Variants in RASA4B observed in about 807,000 individuals in gnomAD.
RASA4B encodes ras GTPase-activating protein 4B.
In RASA4B, 2 loss-of-function variants were observed where a neutral mutation model predicts 24.2. The ratio of observed to expected loss-of-function variants is 0.08; its 90% confidence interval spans 0.03 to 0.26. The LOEUF (loss-of-function observed/expected upper bound fraction) is 0.26. Ranked by LOEUF, RASA4B falls within the 10% of genes least tolerant of loss-of-function variation. RASA4B has a pLI of 1.00. For synonymous variants in RASA4B, 2 were observed against 125.6 expected, an observed-to-expected ratio of 0.02 and a Z score of 6.58; for missense variants, 8 against 277.2, an observed-to-expected ratio of 0.03 and a Z score of 6.90.
chr7:102,504,616 A>G (rs1212912712), intron 5 of RASA4B, among the ~76,000 whole-genome samples: 1 of 76,726 alleles, frequency 1.3e-5, no homozygotes, highest in African/African-American at 4.9e-5. Context: ...GGGGAGGCAG[A>G]GGTTGCAGTG....
At chr7:102,490,297 T>C (rs1370495655) in intron 17 of RASA4B, among the ~76,000 whole-genome samples, 1 of 90,336 alleles carries the variant, frequency 1.1e-5, no homozygotes. Context: ...CAGCATAATG[T>C]TTGATTATTA....
chr7:102,480,075 C>T lies in RASA4B; in HGVS notation c.*3517G>A, dbSNP rs1476750950. On this transcript the variant is annotated 3_prime_UTR_variant, in exon 21 of 21. Coordinates refer to ENST00000465829, the MANE Select transcript of RASA4B (RefSeq NM_001367767.2). ...CATACAGAGATAGGAGCTGAGGGGA[C>T]AATGAGGAGTGACCAGAAGACAAGA... 1.3e-5 allele frequency among the ~76,000 whole-genome samples: 2 copies of T among 152,026 alleles called. No individual in the cohort carries two copies. The highest frequency in any genetic ancestry group is 2.4e-5 in the African/African-American group (1 of 41,432).
chr7:102,480,017 C>T lies in RASA4B; in HGVS notation c.*3575G>A, dbSNP rs1275468879. 2.6e-5 allele frequency among the ~76,000 whole-genome samples: 4 copies of T among 152,228 alleles called. No individual in the cohort carries two copies. The East Asian group carries it at 7.7e-4, about 29-fold the overall frequency. On this transcript the variant is annotated 3_prime_UTR_variant, in exon 21 of 21. Transcript: ENST00000465829. Reference sequence around the variant, plus strand: ...TTTATTCCAATATTATAATAATCCTCGCTCTACAATCATAACCTAGGAAAC... The same window carrying T: ...TTTATTCCAATATTATAATAATCCTTGCTCTACAATCATAACCTAGGAAAC...
rs1443949083 is a variant in RASA4B at position 102,480,778 on chromosome 7, T to TTTTG, written c.*2810_*2813dup. Among the ~76,000 whole-genome samples the TTTTG allele has an allele frequency of 2.1e-5, 1 of 47,674 alleles. No individual in the cohort carries two copies. Among genetic ancestry groups the TTTTG allele is most frequent in the Non-Finnish European group, 5.6e-5 (1 of 17,828 alleles). 31.3% of individuals were successfully genotyped at this position (47,674 alleles called of 152,430 possible). Reference sequence around the variant, plus strand: ...GCTTACAACACAACTGCAATATCTTTTTTGTTTGTTTGTTTGTTTTTGTAA... The same window carrying TTTTG: ...GCTTACAACACAACTGCAATATCTTTTTTGTTTGTTTGTTTGTTTGTTTTTGTAA... On this transcript the variant is annotated 3_prime_UTR_variant, in exon 21 of 21. Coordinates refer to ENST00000465829, the MANE Select transcript of RASA4B (RefSeq NM_001367767.2).
chr7:102,502,759 C>T (rs1302846398), intron 6 of RASA4B, among the ~76,000 whole-genome samples: 1 of 107,612 alleles, frequency 9.3e-6, no homozygotes, highest in Non-Finnish European at 2.2e-5. Flanking sequence ...GACTTGGCCT[C>T]AAAAAAAAAA....
chr7:102,489,916 T>C (rs2133307780), intron 17 of RASA4B, among the ~76,000 whole-genome samples: 1 of 118,432 alleles, frequency 8.4e-6, no homozygotes, highest in South Asian at 3.4e-4. Flanking sequence ...GCCTCCCAAG[T>C]AGCTGGAATC....
chr7:102,498,790 C>G (rs868506206), intron 8 of RASA4B, among the ~76,000 whole-genome samples: 1,638 of 104,752 alleles, frequency 0.016, 4 homozygotes, highest in Middle Eastern at 0.037. Context: ...CTCAAACTCC[C>G]AAAGTGTTGG....
chr7:102,498,326 A>G (rs1483884051), intron 8 of RASA4B, among the ~76,000 whole-genome samples: 5 of 148,116 alleles, frequency 3.4e-5, no homozygotes, highest in African/African-American at 1.2e-4. Context: ...CAGTGGCGCG[A>G]TCTCGGCTCA....
At chr7:102,500,448 G>A (rs2133332310) in intron 8 of RASA4B, among the ~76,000 whole-genome samples, 1 of 141,078 alleles carries the variant, frequency 7.1e-6, no homozygotes, top group African/African-American at 2.6e-5. Flanking sequence ...CTCCAGCCTG[G>A]GGACAGAGTG....
rs781776970 is a variant in RASA4B at position 102,496,132 on chromosome 7, A to G, written c.1071+8T>C. On this transcript the variant is annotated splice_region_variant and intron_variant, in intron 11 of 20. Transcript: ENST00000465829. ...GCAAGATGAGGACAATATAGCATGCAACCTCACCTTCAGAAAAGACTCCAC... is the reference window on the plus strand; with the variant it reads ...GCAAGATGAGGACAATATAGCATGCGACCTCACCTTCAGAAAAGACTCCAC... 5.6e-6 allele frequency: 9 copies of G among 1,613,742 alleles called. No homozygotes were observed. The African/African-American group carries it at 1.2e-4, about 22-fold the overall frequency.
intron 14 of RASA4B, 57 bp from the exon 15 acceptor site, chr7:102,494,026 A>ACCCCCCCCCCCCCCCCCCC: frequency 5.3e-6 from 1 of 187,368 alleles, no homozygotes; most frequent in Non-Finnish European, 1.1e-5. Flanking sequence ...TAGCCACTGC[A>ACCCCCCCCCCCCCCCCCCC]CCCCCTCCCA....
intron 11 of RASA4B, among the ~76,000 whole-genome samples, chr7:102,495,735 A>C (rs1207572892): frequency 8.9e-4 from 60 of 67,340 alleles, no homozygotes; most frequent in African/African-American, 2.3e-3. Context: ...GGTGCGGGGC[A>C]CGGAGTCTAG....
At chr7:102,491,381 C>A (rs1798939621) in intron 16 of RASA4B, among the ~76,000 whole-genome samples, 1 of 27,782 alleles carries the variant, frequency 3.6e-5, no homozygotes, top group African/African-American at 4.6e-5. Context: ...AGCCAGCATT[C>A]CCTGGGCTAC....
At chr7:102,490,761 A>G (rs1424119325) in intron 17 of RASA4B, among the ~76,000 whole-genome samples, 1 of 151,214 alleles carries the variant, frequency 6.6e-6, no homozygotes, top group East Asian at 2.0e-4. Flanking sequence ...GGCCACTCCC[A>G]TAGCACCCAG....
At chr7:102,509,123 A>AAAAT (rs1347067661) in intron 4 of RASA4B, among the ~76,000 whole-genome samples, 1 of 118,388 alleles carries the variant, frequency 8.4e-6, no homozygotes, top group African/African-American at 3.0e-5. Context: ...TTAAAAAAAA[A>AAAAT]CTATATAAAA....
At position 102,498,563 on chromosome 7, in the gene RASA4B, T is replaced by C. The variant is rs559395795; in HGVS notation, c.738-1599A>G. On this transcript the variant is annotated intron_variant, in intron 8 of 20. Coordinates refer to ENST00000465829, the MANE Select transcript of RASA4B (RefSeq NM_001367767.2). ...CATGAGCCACCGCACCCGGCTGTTT[T>C]CTTGAGACGGAGTTTCGCTCTTGTC... Among the ~76,000 whole-genome samples, 34 of 143,570 alleles carry C rather than the reference T, an allele frequency of 2.4e-4. 1 individual carries two copies. Among genetic ancestry groups the C allele is most frequent in the Admixed American group, 1.4e-3 (20 of 14,110 alleles). 94.2% of individuals were successfully genotyped at this position (143,570 alleles called of 152,430 possible).
intron 1 of RASA4B, among the ~76,000 whole-genome samples, chr7:102,515,119 TGGA>T (rs1799810585): frequency 9.0e-6 from 1 of 110,566 alleles, no homozygotes. Context: ...AAGCCCTGGC[TGGA>T]GGAGATGCTA....
intron 17 of RASA4B, among the ~76,000 whole-genome samples, chr7:102,490,728 CCAGGCCACTCCCACAGAGCT>C (rs1248485310): frequency 5.3e-4 from 80 of 150,114 alleles, no homozygotes; most frequent in African/African-American, 1.9e-3. Context: ...CCCACAGCAG[CCAGGCCACTCCCACAGAGCT>C]CAGGCCACTC....
At chr7:102,502,733 C>T (rs1301891639) in intron 6 of RASA4B, among the ~76,000 whole-genome samples, 19 of 127,660 alleles carry the variant, frequency 1.5e-4, no homozygotes, top group Middle Eastern at 4.5e-3. Context: ...GCACTCCAGC[C>T]TGGGTGACAG....
Sources: gnomAD v4.1 joint callset for allele counts (sites outside exome capture counted in the v4.1 genomes callset) on GRCh38, gnomAD v4.1.1 for gene constraint, MANE v1.5 for transcripts, NCBI Gene and HGNC (gene_info 2026-07-23, HGNC 2026-07-21) for gene names.